DLGAP2: variants seen among roughly 807,000 people sequenced by gnomAD.
DLGAP2 encodes the protein DLG associated protein 2, also known as disks large-associated protein 2.
DLGAP2 carries 26 observed loss-of-function variants against 100.3 expected under a neutral mutation model. The ratio of observed to expected loss-of-function variants is 0.26; its 90% CI spans 0.19 to 0.36. The LOEUF (loss-of-function observed/expected upper bound fraction) is 0.36, where lower values mean the gene tolerates loss of function less well. Ranked by LOEUF, DLGAP2 falls within the 10% of genes least tolerant of loss-of-function variation. The probability of loss-of-function intolerance (pLI) is 1.00; values close to 1 mark genes in which losing one functional copy is unlikely to be tolerated. For missense variants in DLGAP2, 1,858 were observed against 1,453.2 expected (o/e 1.28, Z -4.53); for synonymous variants, 886 against 630.1 (o/e 1.41, Z -6.08).
At chr8:1,458,013 T>A (rs1456120188) in intron 3 of DLGAP2, among the ~76,000 whole-genome samples, 4 of 133,952 alleles carry the variant, frequency 3.0e-5, no homozygotes, top group Admixed American at 2.3e-4. Context: ...TATATATATA[T>A]AATTTTTTAT....
chr8:1,412,584 G>C (rs1796763736), intron 3 of DLGAP2, among the ~76,000 whole-genome samples: 1 of 152,198 alleles, frequency 6.6e-6, no homozygotes, highest in South Asian at 2.1e-4. Flanking sequence ...CCTCAGATAA[G>C]TTGCTTCACC....
chr8:1,371,796 C>T (rs1311503685), intron 3 of DLGAP2, among the ~76,000 whole-genome samples: 1 of 152,176 alleles, frequency 6.6e-6, no homozygotes, highest in Admixed American at 6.5e-5. Flanking sequence ...ATTCCACGTG[C>T]ATCGTGGAAC....
At chr8:1,462,640 C>T (rs1264152401) in intron 3 of DLGAP2, among the ~76,000 whole-genome samples, 2 of 152,174 alleles carry the variant, frequency 1.3e-5, no homozygotes, top group Non-Finnish European at 2.9e-5. Context: ...CTCCCGCACT[C>T]GGTCATCCTG....
rs779212268 is a variant in DLGAP2, at chr8:1,701,350, T to C, written c.3112T>C (p.Ser1038Pro). Residue 1038 changes from serine to proline, a missense_variant, in exon 15 of 15, where the codon TCC becomes CCC. By Grantham distance (74) the Ser-to-Pro change is moderately conservative. Coordinates refer to ENST00000637795, the MANE Select transcript of DLGAP2 (RefSeq NM_001346810.2). ...GGCGTCCTTCCGGCAGAATTCCGCC[T>C]CCGAGCGCGCGGACAGCATCGAGAT... The part of the protein sequence containing the change: ...RAASFRQNSA[S>P]ERADSIEIYI... The C allele has an allele frequency of 6.3e-7, 1 of 1,596,352 alleles. No individual in the cohort carries two copies. The highest frequency in any genetic ancestry group is 1.1e-5 in the South Asian group (1 of 88,170).
At chr8:1,489,732 C>G (rs1799323337) in intron 3 of DLGAP2, among the ~76,000 whole-genome samples, 1 of 152,190 alleles carries the variant, frequency 6.6e-6, no homozygotes, top group Non-Finnish European at 1.5e-5. Context: ...CCAAAGCAAA[C>G]TCAGATCACA....
intron 2 of DLGAP2, among the ~76,000 whole-genome samples, chr8:938,342 A>G (rs1193475713): frequency 6.6e-6 from 1 of 152,104 alleles, no homozygotes; most frequent in Non-Finnish European, 1.5e-5. Context: ...GACTACAGGT[A>G]TGCGCCACCA....
chr8:1,281,054 G>T (rs996379347), intron 3 of DLGAP2, among the ~76,000 whole-genome samples: 57 of 152,190 alleles, frequency 3.7e-4, no homozygotes, highest in African/African-American at 1.3e-3. Flanking sequence ...AATGAGATAA[G>T]AATAGTGCCC....
In DLGAP2 at chr8:822,370, G is replaced by A. The variant is rs1369352190; in HGVS notation, c.18+84545G>A. Among the ~76,000 whole-genome samples, 6 of 152,310 alleles carry A rather than the reference G, an allele frequency of 3.9e-5. No individual in the cohort carries two copies. In the South Asian group the frequency reaches 8.3e-4, roughly 21 times the overall value. On this transcript the variant is annotated intron_variant, in intron 1 of 14. Coordinates refer to ENST00000637795, the MANE Select transcript of DLGAP2 (RefSeq NM_001346810.2). ...ACAGGCAGCCGGGTATGGTAAGGCC[G>A]GGGGTGAGTGTTCCTGGGGCAGAAG...
Position 1,483,709 on chromosome 8 carries a change from G to GGAGGTGGGGACCAGGGAGGCAGGTGCAA in DLGAP2, c.107-17655_107-17654insGGTGGGGACCAGGGAGGCAGGTGCAAGA, listed in dbSNP as rs1381928066. 2.0e-5 allele frequency among the ~76,000 whole-genome samples: 3 copies of GGAGGTGGGGACCAGGGAGGCAGGTGCAA among 151,614 alleles called. No homozygotes were observed. In the East Asian group the frequency reaches 6.1e-4, roughly 31 times the overall value. ...GGTGGGGACCAGGGAGGCAGGTGCA[G>GGAGGTGGGGACCAGGGAGGCAGGTGCAA]GACGTGGGGACCAGGAAGGCAGGTG... is the stretch of plus-strand genomic sequence containing the variant. On this transcript the variant is annotated intron_variant, in intron 3 of 14. Transcript: ENST00000637795.
intron 2 of DLGAP2, among the ~76,000 whole-genome samples, chr8:1,012,293 C>T (rs866477245): frequency 4.6e-5 from 7 of 152,184 alleles, no homozygotes; most frequent in Admixed American, 2.0e-4. Flanking sequence ...GTCTGTTGCA[C>T]GGATTACAGT....
intron 1 of DLGAP2, among the ~76,000 whole-genome samples, chr8:799,318 G>A (rs1056478387): frequency 6.6e-6 from 1 of 152,084 alleles, no homozygotes. Flanking sequence ...TTACAGTTGC[G>A]CTTGTCTCGT....
intron 2 of DLGAP2, among the ~76,000 whole-genome samples, chr8:1,061,886 C>G (rs1303487958): frequency 2.6e-5 from 4 of 152,044 alleles, no homozygotes; most frequent in Non-Finnish European, 4.4e-5. Flanking sequence ...CCTCCGAGCA[C>G]CCTGCCCACT....
chr8:911,379 G>T (rs1798481540), intron 2 of DLGAP2, among the ~76,000 whole-genome samples: 1 of 152,230 alleles, frequency 6.6e-6, no homozygotes, highest in East Asian at 1.9e-4. Context: ...AACATATGTT[G>T]GAAAGATGCA....
intron 2 of DLGAP2, among the ~76,000 whole-genome samples, chr8:1,032,064 G>T (rs1455007781): frequency 6.6e-6 from 1 of 152,204 alleles, no homozygotes; most frequent in Admixed American, 6.5e-5. Context: ...ATGATTCAAG[G>T]AGCATTTGTG....
intron 8 of DLGAP2, among the ~76,000 whole-genome samples, chr8:1,664,415 A>G (rs6558506): frequency 0.41 from 62,419 of 151,914 alleles, 13,636 homozygotes; most frequent in African/African-American, 0.56. Flanking sequence ...CTCTCTGGGC[A>G]TCCCTAGTCT....
intron 1 of DLGAP2, among the ~76,000 whole-genome samples, chr8:792,228 A>G (rs888753940): frequency 3.9e-5 from 6 of 152,204 alleles, no homozygotes; most frequent in African/African-American, 1.4e-4. Flanking sequence ...ACCTTTCCAT[A>G]TTCTTTGCCC....
intron 2 of DLGAP2, among the ~76,000 whole-genome samples, chr8:988,028 C>T (rs1800537381): frequency 6.6e-6 from 1 of 152,174 alleles, no homozygotes; most frequent in South Asian, 2.1e-4. Context: ...GAATTTTCCT[C>T]CATGTGCACC....
intron 1 of DLGAP2, among the ~76,000 whole-genome samples, chr8:865,659 G>C (rs143779457): frequency 1.5e-4 from 23 of 152,264 alleles, no homozygotes; most frequent in Admixed American, 1.0e-3. Flanking sequence ...AGCTAAATCC[G>C]GTTTTAAGGT....
chr8:1,242,846 G>A (rs973374775), intron 2 of DLGAP2, among the ~76,000 whole-genome samples: 4 of 152,092 alleles, frequency 2.6e-5, no homozygotes, highest in African/African-American at 9.7e-5. Context: ...ATGGGTGGAC[G>A]GACGGGCAGA....
Sources: allele counts gnomAD v4.1 joint callset (sites outside exome capture counted in the v4.1 genomes callset), GRCh38; gene constraint gnomAD v4.1.1; transcripts MANE v1.5; gene names NCBI Gene and HGNC (gene_info 2026-07-23, HGNC 2026-07-21).